Variants in AGBL1 observed in about 807,000 individuals in gnomAD.
AGBL1 encodes the protein cytosolic carboxypeptidase 4.
Under a neutral mutation model 118.9 loss-of-function variants are expected in AGBL1, and 130 were observed. The observed-to-expected ratio is 1.09, with a 90% confidence interval of 0.95 to 1.26. The LOEUF is 1.26. AGBL1 is among the 50% of genes most tolerant of loss of function. The probability of loss-of-function intolerance (pLI) is 0.00; values close to 1 mark genes in which losing one functional copy is unlikely to be tolerated. For synonymous variants in AGBL1, 555 were observed against 478.9 expected, an observed-to-expected ratio of 1.16 and a Z score of -2.08; for missense variants, 1,584 against 1,298.1, an observed-to-expected ratio of 1.22 and a Z score of -3.38.
At chr15:86,084,669 A>G (rs1364032932) in intron 1 of AGBL1, among the ~76,000 whole-genome samples, 1 of 152,250 alleles carries the variant, frequency 6.6e-6, no homozygotes, top group African/African-American at 2.4e-5. Context: ...AATTTTCTAC[A>G]GTAGAGGAAG....
intron 17 of AGBL1, among the ~76,000 whole-genome samples, chr15:86,321,106 C>G (rs1295304953): frequency 6.6e-6 from 1 of 151,996 alleles, no homozygotes; most frequent in Non-Finnish European, 1.5e-5. Flanking sequence ...GTGCTTATCC[C>G]TTAAAATTAA....
chr15:86,479,979 G>A (rs753731043), intron 18 of AGBL1, among the ~76,000 whole-genome samples: 6 of 151,822 alleles, frequency 4.0e-5, no homozygotes, highest in Middle Eastern at 6.3e-3. Context: ...GCAAACTATC[G>A]CAAGGACAAA....
chr15:86,631,448 C>G (rs1363456007), intron 21 of AGBL1, among the ~76,000 whole-genome samples: 2 of 152,164 alleles, frequency 1.3e-5, no homozygotes, highest in African/African-American at 2.4e-5. Context: ...GAGAGAGATT[C>G]AGAGAGATTG....
chr15:86,231,895 G>A (rs151167671), intron 6 of AGBL1, among the ~76,000 whole-genome samples: 1 of 152,166 alleles, frequency 6.6e-6, no homozygotes, highest in East Asian at 1.9e-4. Flanking sequence ...TTGTGGGAGG[G>A]GGTATCTGTC....
chr15:86,829,378 A>G (rs948585568), intron 22 of AGBL1, among the ~76,000 whole-genome samples: 1 of 152,190 alleles, frequency 6.6e-6, no homozygotes, highest in Admixed American at 6.5e-5. Flanking sequence ...AATGCAATGC[A>G]GGCTGCCCTT....
chr15:86,459,378 T>G lies in AGBL1; in HGVS notation c.2555+61832T>G, dbSNP rs371789139. Among the ~76,000 whole-genome samples the G allele has an allele frequency of 5.0e-4, 76 of 152,268 alleles. No homozygotes were observed. In the South Asian group the frequency reaches 6.4e-3, roughly 13 times the overall value. On this transcript the variant is annotated intron_variant, in intron 18 of 22. Coordinates refer to ENST00000614907, the MANE Select transcript of AGBL1 (RefSeq NM_001386094.1). The stretch of plus-strand genomic sequence containing the variant: ...CCGAAGCCACAACGAGTGACAAATG[T>G]TCATTTGTCCCCAAGATTGAGACTG...
intron 22 of AGBL1, among the ~76,000 whole-genome samples, chr15:86,801,998 T>C (rs1439200537): frequency 1.3e-5 from 2 of 152,144 alleles, no homozygotes; most frequent in African/African-American, 2.4e-5. Context: ...AATTAAACTT[T>C]ATATCCTTTG....
intron 5 of AGBL1, among the ~76,000 whole-genome samples, chr15:86,204,003 T>G (rs1358266305): frequency 6.6e-6 from 1 of 152,136 alleles, no homozygotes. Context: ...GATATTACAC[T>G]TTACATGACA....
intron 22 of AGBL1, among the ~76,000 whole-genome samples, chr15:86,884,178 G>T (rs2079936130): frequency 6.6e-6 from 1 of 152,106 alleles, no homozygotes; most frequent in Non-Finnish European, 1.5e-5. Flanking sequence ...CCATTATTAA[G>T]TCCAACAAAG....
At chr15:86,620,281 G>A (rs1327253669) in intron 21 of AGBL1, among the ~76,000 whole-genome samples, 2 of 152,198 alleles carry the variant, frequency 1.3e-5, no homozygotes, top group African/African-American at 4.8e-5. Context: ...AGACTTACAT[G>A]TTTACATTTA....
chr15:86,724,099 G>T (rs550216510), intron 22 of AGBL1, among the ~76,000 whole-genome samples: 1 of 152,040 alleles, frequency 6.6e-6, no homozygotes, highest in South Asian at 2.1e-4. Context: ...AGCCGGGTGC[G>T]GTGGCGGGCG....
At chr15:86,441,737 TA>T (rs1421558246) in intron 18 of AGBL1, among the ~76,000 whole-genome samples, 8 of 152,190 alleles carry the variant, frequency 5.3e-5, no homozygotes, top group African/African-American at 1.7e-4. Flanking sequence ...AAGGGTCCAT[TA>T]CCAGAGATGA....
At chr15:86,114,174 C>T (rs1235656956) in intron 1 of AGBL1, among the ~76,000 whole-genome samples, 1 of 152,218 alleles carries the variant, frequency 6.6e-6, no homozygotes, top group Non-Finnish European at 1.5e-5. Context: ...TTAAGGGACT[C>T]TTTATATATA....
chr15:86,674,168 G>A (rs923699253), intron 21 of AGBL1, 105 bp from the exon 22 acceptor site: 18 of 1,065,110 alleles, frequency 1.7e-5, no homozygotes, highest in Non-Finnish European at 2.3e-5. Flanking sequence ...AATTCTCACT[G>A]TCTGAAAAAT....
rs556390990 is a variant in AGBL1 at position 86,422,656 on chromosome 15, T to A, written c.2555+25110T>A. ...CAAAAAAATCAATGAATCCAGGAGC[T>A]GATTTTTTTTGAAAAGATTAACAAA... On this transcript the variant is annotated intron_variant, in intron 18 of 22. Coordinates refer to ENST00000614907, the MANE Select transcript of AGBL1 (RefSeq NM_001386094.1). Among the ~76,000 whole-genome samples, 16 of 152,218 alleles carry A rather than the reference T, an allele frequency of 1.1e-4. No individual in the cohort carries two copies. In the East Asian group the frequency reaches 2.9e-3, roughly 28 times the overall value.
chr15:86,323,349 A>G lies in AGBL1; in HGVS notation c.2374+27941A>G, dbSNP rs182788019. 3.9e-3 allele frequency among the ~76,000 whole-genome samples: 589 copies of G among 152,214 alleles called. 6 individuals are homozygous for G. Among genetic ancestry groups the G allele is most frequent in the African/African-American group, 0.013 (547 of 41,524 alleles). On this transcript the variant is annotated intron_variant, in intron 17 of 22. Coordinates refer to ENST00000614907, the MANE Select transcript of AGBL1 (RefSeq NM_001386094.1). ...GACAAATAAAGTACTTGGCTTTTCC[A>G]TAATTATGTAAATAACCAAATAACA...
chr15:86,119,727 A>G (rs1181316312), intron 1 of AGBL1, among the ~76,000 whole-genome samples: 1 of 151,994 alleles, frequency 6.6e-6, no homozygotes, highest in East Asian at 1.9e-4. Context: ...AAACTAGTAG[A>G]TAAAAGTTGT....
intron 21 of AGBL1, among the ~76,000 whole-genome samples, chr15:86,589,163 G>A (rs1319396381): frequency 7.9e-5 from 12 of 151,992 alleles, no homozygotes; most frequent in Admixed American, 5.2e-4. Context: ...ACTTAGTGCC[G>A]GATGAGATGT....
At chr15:86,956,516 C>G (rs753606251) in intron 23 of AGBL1, among the ~76,000 whole-genome samples, 1 of 152,080 alleles carries the variant, frequency 6.6e-6, no homozygotes, top group African/African-American at 2.4e-5. Context: ...TAGATTCAAG[C>G]AAAATTTCTA....
Sources: gnomAD v4.1 joint callset for allele counts (sites outside exome capture counted in the v4.1 genomes callset) on GRCh38, gnomAD v4.1.1 for gene constraint, MANE v1.5 for transcripts, NCBI Gene and HGNC (gene_info 2026-07-23, HGNC 2026-07-21) for gene names.